UBR2: variants seen among roughly 807,000 people sequenced by gnomAD.
The protein encoded by UBR2 is E3 ubiquitin-protein ligase UBR2.
UBR2 carries 92 observed loss-of-function variants against 247.9 expected under a neutral mutation model. The observed-to-expected ratio is 0.37, with a 90% CI of 0.31 to 0.44. The LOEUF (loss-of-function observed/expected upper bound fraction) is 0.44. Among genes scored for constraint, UBR2 ranks in the 20% least tolerant of loss-of-function variants. The pLI is 1.00. For synonymous variants in UBR2, 672 were observed against 693.5 expected (o/e 0.97, Z 0.49); for missense variants, 1,613 against 2,112.6 (o/e 0.76, Z 4.64).
intron 25 of UBR2, among the ~76,000 whole-genome samples, chr6:42,653,398 A>T (rs942651845): frequency 2.0e-5 from 3 of 151,540 alleles, no homozygotes; most frequent in African/African-American, 7.3e-5. Flanking sequence ...TTTGTATTTT[A>T]CTTTATAGTT....
intron 11 of UBR2, among the ~76,000 whole-genome samples, chr6:42,618,826 A>G (rs947803694): frequency 2.1e-4 from 32 of 152,324 alleles, no homozygotes; most frequent in African/African-American, 5.8e-4. Context: ...AGAACCGGCC[A>G]AGTGGGTTTG....
intron 5 of UBR2, among the ~76,000 whole-genome samples, chr6:42,604,696 T>A (rs531892540): frequency 6.6e-6 from 1 of 152,284 alleles, no homozygotes; most frequent in South Asian, 2.1e-4. Context: ...TTATATCTCC[T>A]ATCAAATTTT....
At chr6:42,598,251 C>A (rs1031374141) in intron 4 of UBR2, among the ~76,000 whole-genome samples, 6 of 152,106 alleles carry the variant, frequency 3.9e-5, no homozygotes, top group Non-Finnish European at 7.3e-5. Context: ...TATTTTGTGA[C>A]ATGAGAAAAT....
In UBR2 at chr6:42,645,314, C is replaced by G. The variant is rs1308135594; in HGVS notation, c.2285-152C>G. ...CACAGAAGCATGGTCAGGAGCTGCT[C>G]TCTCCCTGGCTTATTGCAGAACAGT... On this transcript the variant is annotated intron_variant, in intron 20 of 46. Coordinates refer to ENST00000372901, the MANE Select transcript of UBR2 (RefSeq NM_001363705.2). 8.4e-6 allele frequency: 6 copies of G among 712,830 alleles called. No homozygotes were observed. The Admixed American group carries it at 8.9e-5, about 11-fold the overall frequency. 44.2% of individuals were successfully genotyped at this position (712,830 alleles called of 1,614,324 possible).
intron 8 of UBR2, among the ~76,000 whole-genome samples, chr6:42,614,380 A>ATATGTACGTACGTACATACATACG (rs1794362761): frequency 7.6e-6 from 1 of 131,578 alleles, no homozygotes; most frequent in African/African-American, 2.9e-5. Context: ...ATGTGTGTAT[A>ATATGTACGTACGTACATACATACG]TATGTATGTA....
chr6:42,646,213 T>A (rs1409538637), intron 21 of UBR2, among the ~76,000 whole-genome samples: 1 of 152,216 alleles, frequency 6.6e-6, no homozygotes, highest in Admixed American at 6.5e-5. Context: ...GACTTTATTT[T>A]CATTGAGGCT....
chr6:42,679,880 C>A, intron 42 of UBR2, 48 bp downstream of exon 42: 2 of 1,376,762 alleles, frequency 1.5e-6, no homozygotes, highest in Non-Finnish European at 2.0e-6. Flanking sequence ...CTCTATGGAA[C>A]CAAACTTTAG....
intron 23 of UBR2, among the ~76,000 whole-genome samples, chr6:42,651,666 T>G (rs1419408921): frequency 6.6e-6 from 1 of 152,058 alleles, no homozygotes; most frequent in African/African-American, 2.4e-5. Context: ...AATTTTTGTA[T>G]TTTTAGTAGA....
At chr6:42,650,447 G>C in intron 23 of UBR2, 61 bp downstream of exon 23, 1 of 1,419,014 alleles carries the variant, frequency 7.0e-7, no homozygotes, top group South Asian at 1.2e-5. Context: ...TAAGAGATGA[G>C]GTTTCACCAT....
At chr6:42,593,480 A>T (rs903649416) in intron 3 of UBR2, among the ~76,000 whole-genome samples, 2 of 152,206 alleles carry the variant, frequency 1.3e-5, no homozygotes, top group Admixed American at 1.3e-4. Flanking sequence ...AATTTGCTGT[A>T]TCTAATACCT....
rs149423915 is a variant in UBR2, at chr6:42,635,380, T to A, written c.1546-38T>A. 2,303 of 1,591,008 alleles carry A rather than the reference T, an allele frequency of 1.4e-3. 18 individuals are homozygous for A. In the African/African-American group the frequency reaches 0.015, roughly 10 times the overall value. On this transcript the variant is annotated intron_variant, in intron 13 of 46. Transcript: ENST00000372901. Reference sequence around the variant, plus strand: ...GGTTTCCATATAAAAGAACAACTATTATTTTCATTCATATATAATTTTTTC... The same window carrying A: ...GGTTTCCATATAAAAGAACAACTATAATTTTCATTCATATATAATTTTTTC...
chr6:42,584,324 C>T (rs1306334092), intron 2 of UBR2, among the ~76,000 whole-genome samples: 1 of 152,138 alleles, frequency 6.6e-6, no homozygotes, highest in Admixed American at 6.6e-5. Flanking sequence ...TATAAAAAAT[C>T]ACTTAACCAT....
At chr6:42,603,516 G>T in intron 4 of UBR2, 72 bp from the exon 5 acceptor site, 1 of 1,378,728 alleles carries the variant, frequency 7.3e-7, no homozygotes. Flanking sequence ...TTGAGGGATG[G>T]AAGCAGAATG....
At position 42,566,451 on chromosome 6, in the gene UBR2, C is replaced by T. The variant is rs1199260504; in HGVS notation, c.78+2054C>T. Among the ~76,000 whole-genome samples the T allele has an allele frequency of 2.0e-5, 3 of 152,206 alleles. No individual in the cohort carries two copies. In the East Asian group the frequency reaches 5.8e-4, roughly 29 times the overall value. On this transcript the variant is annotated intron_variant, in intron 1 of 46. Transcript: ENST00000372901. Reference sequence around the variant, plus strand: ...CCAGGCTGGAGTGCAATGGCGCAATCTTGGCTTACTGCAACCTCCGCCTCC... The same window carrying T: ...CCAGGCTGGAGTGCAATGGCGCAATTTTGGCTTACTGCAACCTCCGCCTCC...
intron 38 of UBR2, among the ~76,000 whole-genome samples, chr6:42,674,594 C>G (rs755289723): frequency 3.9e-5 from 6 of 152,072 alleles, no homozygotes; most frequent in Non-Finnish European, 7.4e-5. Context: ...AACCCTATCT[C>G]TACTAAAAAT....
At chr6:42,583,160 CT>C (rs1248725591) in intron 2 of UBR2, among the ~76,000 whole-genome samples, 2 of 152,162 alleles carry the variant, frequency 1.3e-5, no homozygotes, top group African/African-American at 2.4e-5. Flanking sequence ...CAATTTACCA[CT>C]TTTTTTCATG....
At chr6:42,621,870 ATC>A (rs1795012387) in intron 11 of UBR2, among the ~76,000 whole-genome samples, 1 of 152,320 alleles carries the variant, frequency 6.6e-6, no homozygotes, top group African/African-American at 2.4e-5. Context: ...ATTGAAATTA[ATC>A]TCTCCTTCAG....
intron 13 of UBR2, among the ~76,000 whole-genome samples, chr6:42,634,788 A>G (rs949614275): frequency 2.0e-5 from 3 of 152,218 alleles, no homozygotes; most frequent in African/African-American, 7.2e-5. Context: ...GTTGGGTGGT[A>G]GTTCATGGGT....
At chr6:42,663,180 T>C (rs985215988) in intron 31 of UBR2, 78 bp from the exon 32 acceptor site, 2 of 1,205,166 alleles carry the variant, frequency 1.7e-6, no homozygotes, top group Non-Finnish European at 2.2e-6. Flanking sequence ...AAACAAATTA[T>C]TTTAAATGTT....
Sources: allele counts gnomAD v4.1 joint callset (sites outside exome capture counted in the v4.1 genomes callset), GRCh38; gene constraint gnomAD v4.1.1; transcripts MANE v1.5; gene names NCBI Gene and HGNC (gene_info 2026-07-23, HGNC 2026-07-21).